Variants in PSIP1 observed in about 807,000 individuals in gnomAD.
The protein encoded by PSIP1 is PC4 and SRSF1 interacting protein 1, also known as PC4 and SFRS1-interacting protein.
Under a neutral mutation model 74.7 loss-of-function variants are expected in PSIP1, and 19 were observed. The observed-to-expected ratio is 0.25, with a 90% CI of 0.18 to 0.37. PSIP1 has a LOEUF of 0.37. Among genes scored for constraint, PSIP1 ranks in the 10% least tolerant of loss-of-function variants. The pLI is 1.00. For missense variants in PSIP1, 601 were observed against 614.3 expected, an observed-to-expected ratio of 0.98 and a Z score of 0.23; for synonymous variants, 222 against 195.3, an observed-to-expected ratio of 1.14 and a Z score of -1.14.
At chr9:15,502,220 C>CA (rs1359925611) in intron 3 of PSIP1, among the ~76,000 whole-genome samples, 1 of 152,070 alleles carries the variant, frequency 6.6e-6, no homozygotes, top group Non-Finnish European at 1.5e-5. Context: ...CTTATAATAC[C>CA]TAATACAATG....
rs781776461 is a variant in PSIP1, at chr9:15,510,224, AGGCGGCGAGGAGATGC to A, written c.-52_-37del. The A allele has an allele frequency of 6.3e-7, 1 of 1,584,334 alleles. No individual in the cohort carries two copies. The highest frequency in any genetic ancestry group is 8.6e-7 in the Non-Finnish European group (1 of 1,165,122). On this transcript the variant is annotated 5_prime_UTR_variant, in exon 2 of 16. Coordinates refer to ENST00000380733, the MANE Select transcript of PSIP1 (RefSeq NM_033222.5). ...CGAGACCGGGGGTCCGAAGCCCGGG[AGGCGGCGAGGAGATGC>A]GGCGGCGCGGGGATGCGGGCGGCGG... is the stretch of plus-strand genomic sequence containing the variant.
chr9:15,503,988 G>A (rs1036753264), intron 3 of PSIP1, among the ~76,000 whole-genome samples: 17 of 152,034 alleles, frequency 1.1e-4, no homozygotes, highest in African/African-American at 2.2e-4. Context: ...CTCGTCATCC[G>A]CCCGCTTCAG....
In PSIP1 at chr9:15,475,344, T is replaced by G. The variant is rs892246865; in HGVS notation, c.630-1107A>C. On this transcript the variant is annotated intron_variant, in intron 8 of 15. Coordinates refer to ENST00000380733, the MANE Select transcript of PSIP1 (RefSeq NM_033222.5). The stretch of plus-strand genomic sequence containing the variant: ...CAGGATTTCCACTGATGTAAATATT[T>G]TGATAATCAGTTTCCTAAAAATGGG... Among the ~76,000 whole-genome samples, 13 of 152,156 alleles carry G rather than the reference T, an allele frequency of 8.5e-5. No homozygotes were observed. The East Asian group carries it at 1.9e-3, about 22-fold the overall frequency.
intron 3 of PSIP1, among the ~76,000 whole-genome samples, chr9:15,502,066 A>AGG (rs2037373639): frequency 6.6e-6 from 1 of 152,052 alleles, no homozygotes; most frequent in Non-Finnish European, 1.5e-5. Flanking sequence ...TGCACATGCA[A>AGG]GGGATCTAGT....
intron 14 of PSIP1, among the ~76,000 whole-genome samples, chr9:15,467,141 TAA>T (rs2132033635): frequency 6.6e-6 from 1 of 152,322 alleles, no homozygotes; most frequent in East Asian, 1.9e-4. Flanking sequence ...AGTGGATTAT[TAA>T]TCTGATTATT....
In PSIP1 at chr9:15,506,596, G is replaced by C; in HGVS notation, c.114C>G (p.Asn38Lys). ...TTCCAAAAAAGAAAATGGGTAGTTT[G>C]TTTGTGGGTGGCTTTACAGCTCCAT... ...VPDGAVKPPTNKLPIFFFGTH... is the reference protein window; with the variant it reads ...VPDGAVKPPTKKLPIFFFGTH... Residue 38 changes from asparagine to lysine, a missense_variant, in exon 3 of 16, where the codon AAC becomes AAG. This residue lies in a region of PSIP1 where 63 missense variants were observed against 106.7 expected (regional missense o/e 0.59). Coordinates refer to ENST00000380733, the MANE Select transcript of PSIP1 (RefSeq NM_033222.5). 1 of 1,613,056 alleles carries C rather than the reference G, an allele frequency of 6.2e-7. No homozygotes were observed. Among genetic ancestry groups the C allele is most frequent in the East Asian group, 2.2e-5 (1 of 44,858 alleles).
intron 2 of PSIP1, among the ~76,000 whole-genome samples, chr9:15,509,602 A>C (rs1466620670): frequency 1.3e-5 from 2 of 152,250 alleles, no homozygotes; most frequent in Non-Finnish European, 2.9e-5. Flanking sequence ...AAGAATATCC[A>C]GTCCTGAATC....
At chr9:15,510,040 A>C in intron 2 of PSIP1, 77 bp downstream of exon 2, 1 of 1,410,574 alleles carries the variant, frequency 7.1e-7, no homozygotes, top group Non-Finnish European at 9.8e-7. Flanking sequence ...AGAAGAAAAA[A>C]TAAAGAGACA....
At chr9:15,470,207 T>C (rs2035766762) in intron 10 of PSIP1, among the ~76,000 whole-genome samples, 1 of 152,190 alleles carries the variant, frequency 6.6e-6, no homozygotes. Flanking sequence ...ATCTGGCTTT[T>C]CAGTGACATC....
At position 15,464,391 on chromosome 9, in the gene PSIP1, CTAA is replaced by C; in HGVS notation, c.*1126_*1128del. On this transcript the variant is annotated 3_prime_UTR_variant, in exon 16 of 16. Transcript: ENST00000380733. ...ACTTGCTGAGAAGTGCCAAATGACC[CTAA>C]TATTCAAAATATCTTAGAAATGCTA... is the stretch of plus-strand genomic sequence containing the variant. 1 of 195,952 alleles carries C rather than the reference CTAA, an allele frequency of 5.1e-6. No individual in the cohort carries two copies. Among genetic ancestry groups the C allele is most frequent in the East Asian group, 8.1e-5 (1 of 12,400 alleles). The allele number at this position is 195,952 out of a possible 1,614,324, so 12.1% of individuals were successfully genotyped here.
At chr9:15,477,934 T>A (rs1563874646) in intron 8 of PSIP1, among the ~76,000 whole-genome samples, 1 of 151,626 alleles carries the variant, frequency 6.6e-6, no homozygotes, top group Non-Finnish European at 1.5e-5. Context: ...GCCCAGGAGT[T>A]TGAGACCAGC....
chr9:15,506,294 C>A, intron 3 of PSIP1: 2 of 306,838 alleles, frequency 6.5e-6, no homozygotes, highest in Non-Finnish European at 6.1e-6. Flanking sequence ...TTAAAACTTT[C>A]CTTATGTATT....
intron 14 of PSIP1, among the ~76,000 whole-genome samples, chr9:15,467,421 G>C (rs2035684578): frequency 6.6e-6 from 1 of 152,176 alleles, no homozygotes; most frequent in East Asian, 1.9e-4. Flanking sequence ...TGAAATGCCA[G>C]CTTTTACCTT....
chr9:15,478,756 A>C (rs1216249737), intron 7 of PSIP1, among the ~76,000 whole-genome samples: 1 of 151,992 alleles, frequency 6.6e-6, no homozygotes, highest in Non-Finnish European at 1.5e-5. Flanking sequence ...AGAGGTAAAC[A>C]GAGTAATCCT....
chr9:15,497,316 CTA>C (rs2037123131), intron 3 of PSIP1, among the ~76,000 whole-genome samples: 1 of 119,808 alleles, frequency 8.3e-6, no homozygotes, highest in South Asian at 2.6e-4. Flanking sequence ...ACCACACGTT[CTA>C]TGATTCCTTT....
rs1202117423 is a variant in PSIP1 at position 15,464,739 on chromosome 9, A to G, written c.*781T>C. 9.8e-6 allele frequency: 2 copies of G among 204,116 alleles called. No homozygotes were observed. Among genetic ancestry groups the G allele is most frequent in the Non-Finnish European group, 2.0e-5 (2 of 99,596 alleles). The allele number at this position is 204,116 out of a possible 1,614,324, so 12.6% of individuals were successfully genotyped here. On this transcript the variant is annotated 3_prime_UTR_variant, in exon 16 of 16. Transcript: ENST00000380733. Reference sequence around the variant, plus strand: ...CAGTTTTAGTTACTAGTGCCTGCCTATAAAAGGACCTTAAATGATTTAACC... The same window carrying G: ...CAGTTTTAGTTACTAGTGCCTGCCTGTAAAAGGACCTTAAATGATTTAACC...
intron 3 of PSIP1, among the ~76,000 whole-genome samples, chr9:15,499,874 T>TC (rs2037251213): frequency 8.2e-6 from 1 of 122,124 alleles, no homozygotes; most frequent in African/African-American, 3.4e-5. Context: ...AGACTCTGTC[T>TC]CAAAAAAAAA....
intron 9 of PSIP1, among the ~76,000 whole-genome samples, chr9:15,473,135 A>T (rs1218248382): frequency 1.3e-5 from 2 of 152,194 alleles, no homozygotes; most frequent in Non-Finnish European, 2.9e-5. Flanking sequence ...TAAACAAAAG[A>T]TTTGCATGAC....
rs772574839 is a variant in PSIP1 at position 15,477,236 on chromosome 9, CTA to C, written c.629+1239_629+1240del. ...TTTTAAAAATTGACAGGTAAAAATT[CTA>C]TGTGTTTATGGTGTGCAACACAATG... On this transcript the variant is annotated intron_variant, in intron 8 of 15. Coordinates refer to ENST00000380733, the MANE Select transcript of PSIP1 (RefSeq NM_033222.5). Among the ~76,000 whole-genome samples, 51 of 152,190 alleles carry C rather than the reference CTA, an allele frequency of 3.4e-4. 1 individual carries two copies. The highest frequency in any genetic ancestry group is 3.4e-3 in the Middle Eastern group (1 of 294).
Sources: allele counts gnomAD v4.1 joint callset (sites outside exome capture counted in the v4.1 genomes callset), GRCh38; gene constraint gnomAD v4.1.1; regional missense constraint gnomAD v4.1.1; transcripts MANE v1.5; gene names NCBI Gene and HGNC (gene_info 2026-07-23, HGNC 2026-07-21).